FHIT: variants seen among roughly 807,000 people sequenced by gnomAD.
FHIT encodes the protein fragile histidine triad diadenosine triphosphatase.
Under a neutral mutation model 17.9 loss-of-function variants are expected in FHIT, and 19 were observed. The ratio of observed to expected loss-of-function variants is 1.06; its 90% CI spans 0.74 to 1.56. The LOEUF is 1.56. Ranked by LOEUF, FHIT falls within the 40% of genes most tolerant of loss-of-function variation. FHIT has a pLI of 0.00. For missense variants in FHIT, 248 were observed against 189.2 expected (o/e 1.31, Z -1.82); for synonymous variants, 81 against 69.7 (o/e 1.16, Z -0.81).
chr3:60,999,478 A>C (rs2030912222), intron 3 of FHIT, among the ~76,000 whole-genome samples: 1 of 150,470 alleles, frequency 6.6e-6, no homozygotes, highest in Admixed American at 6.7e-5. Context: ...TAGGATTACT[A>C]TCTAGTATGG....
chr3:61,053,903 T>C (rs1296066435), intron 2 of FHIT, among the ~76,000 whole-genome samples: 3 of 152,136 alleles, frequency 2.0e-5, no homozygotes, highest in African/African-American at 7.2e-5. Flanking sequence ...CCCAAATCAA[T>C]AAGCAGAGGT....
At chr3:60,732,418 C>T in intron 4 of FHIT, 1 of 750,130 alleles carries the variant, frequency 1.3e-6, no homozygotes, top group Non-Finnish European at 2.5e-6. Flanking sequence ...GACTTGCCAC[C>T]AGTGCCATAT....
intron 5 of FHIT, among the ~76,000 whole-genome samples, chr3:60,379,286 T>C (rs1700704971): frequency 6.6e-6 from 1 of 151,924 alleles, no homozygotes; most frequent in African/African-American, 2.4e-5. Context: ...CCCAGATAAT[T>C]CCCACAATCA....
intron 4 of FHIT, among the ~76,000 whole-genome samples, chr3:60,622,650 A>C (rs2107755862): frequency 6.6e-6 from 1 of 152,248 alleles, no homozygotes; most frequent in African/African-American, 2.4e-5. Flanking sequence ...TAAAACTCAT[A>C]CTTCATAAGA....
chr3:61,175,469 T>G (rs1436895900), intron 2 of FHIT, among the ~76,000 whole-genome samples: 1 of 152,134 alleles, frequency 6.6e-6, no homozygotes, highest in Non-Finnish European at 1.5e-5. Context: ...CAACTCAGCT[T>G]GACCTTACAA....
chr3:59,970,096 C>G (rs972280678), intron 7 of FHIT, among the ~76,000 whole-genome samples: 20 of 152,026 alleles, frequency 1.3e-4, no homozygotes, highest in Non-Finnish European at 1.0e-4. Flanking sequence ...TAGTTCCCAG[C>G]TAACACTACC....
chr3:59,773,738 G>A (rs1274195377), intron 8 of FHIT, among the ~76,000 whole-genome samples: 2 of 152,064 alleles, frequency 1.3e-5, no homozygotes, highest in Admixed American at 1.3e-4. Context: ...TCACCTGGCG[G>A]CTTGTTAGAA....
intron 4 of FHIT, among the ~76,000 whole-genome samples, chr3:60,804,550 C>T (rs1434069778): frequency 6.6e-6 from 1 of 152,212 alleles, no homozygotes; most frequent in African/African-American, 2.4e-5. Flanking sequence ...ACCTACATTA[C>T]TACGAGTAGG....
At chr3:60,055,565 T>C (rs1256661098) in intron 5 of FHIT, among the ~76,000 whole-genome samples, 1 of 151,916 alleles carries the variant, frequency 6.6e-6, no homozygotes, top group African/African-American at 2.4e-5. Context: ...CAAGAAAAAC[T>C]GTATTGCAAA....
At chr3:60,477,408 T>C (rs1438148875) in intron 5 of FHIT, among the ~76,000 whole-genome samples, 2 of 152,184 alleles carry the variant, frequency 1.3e-5, no homozygotes, top group African/African-American at 4.8e-5. Flanking sequence ...TGTTTATGCC[T>C]GCCTTTGGAT....
At chr3:60,337,667 G>A (rs1279428341) in intron 5 of FHIT, among the ~76,000 whole-genome samples, 1 of 152,124 alleles carries the variant, frequency 6.6e-6, no homozygotes, top group Non-Finnish European at 1.5e-5. Flanking sequence ...ACACCCCACT[G>A]CACTGAGTTG....
At chr3:60,259,651 A>G (rs913396738) in intron 5 of FHIT, among the ~76,000 whole-genome samples, 3 of 152,096 alleles carry the variant, frequency 2.0e-5, no homozygotes, top group East Asian at 3.8e-4. Flanking sequence ...TATTATCCCC[A>G]CTTAACATAA....
intron 2 of FHIT, among the ~76,000 whole-genome samples, chr3:61,103,973 A>T (rs1470160488): frequency 1.3e-5 from 2 of 149,970 alleles, no homozygotes; most frequent in African/African-American, 2.5e-5. Flanking sequence ...TGCACATGAG[A>T]TGGGTCTCCT....
At chr3:60,497,893 A>G (rs1000258853) in intron 5 of FHIT, among the ~76,000 whole-genome samples, 1 of 152,176 alleles carries the variant, frequency 6.6e-6, no homozygotes, top group African/African-American at 2.4e-5. Flanking sequence ...TTTGAGATCA[A>G]CCAGTGCATA....
chr3:61,010,322 A>T (rs185673150), intron 3 of FHIT, among the ~76,000 whole-genome samples: 10 of 152,334 alleles, frequency 6.6e-5, no homozygotes, highest in Admixed American at 6.5e-4. Context: ...CCATTAGTCC[A>T]TATTTTCCAC....
chr3:59,859,942 G>A (rs1325540567), intron 8 of FHIT, among the ~76,000 whole-genome samples: 1 of 152,152 alleles, frequency 6.6e-6, no homozygotes, highest in Non-Finnish European at 1.5e-5. Context: ...GTAATGAGAA[G>A]AGTGCTCTTG....
At chr3:60,084,326 A>G (rs1374293405) in intron 5 of FHIT, among the ~76,000 whole-genome samples, 1 of 152,184 alleles carries the variant, frequency 6.6e-6, no homozygotes, top group Admixed American at 6.5e-5. Flanking sequence ...AACAGTGCTG[A>G]AACACTTTTG....
At chr3:61,170,682 T>C (rs144397870) in intron 2 of FHIT, among the ~76,000 whole-genome samples, 2 of 152,344 alleles carry the variant, frequency 1.3e-5, no homozygotes, top group East Asian at 3.9e-4. Flanking sequence ...TCTCCATCCG[T>C]GTTCCTGCAA....
At chr3:60,926,413 C>G (rs1167154457) in intron 3 of FHIT, among the ~76,000 whole-genome samples, 2 of 152,172 alleles carry the variant, frequency 1.3e-5, no homozygotes, top group African/African-American at 4.8e-5. Flanking sequence ...CACTCGAAAC[C>G]ACACAACTAC....
Sources: allele counts gnomAD v4.1 joint callset (sites outside exome capture counted in the v4.1 genomes callset), GRCh38; gene constraint gnomAD v4.1.1; transcripts MANE v1.5; gene names NCBI Gene and HGNC (gene_info 2026-07-23, HGNC 2026-07-21).